The following UNC13C variants were observed in gnomAD, a reference collection of about 807,000 sequenced individuals.
UNC13C encodes the protein protein unc-13 homolog C.
A neutral mutation model predicts 245.4 loss-of-function variants in UNC13C; 174 were observed. That is an observed-to-expected ratio of 0.71 (90% CI 0.63 to 0.80). UNC13C has a LOEUF of 0.80. Ranked by LOEUF, UNC13C falls within the 30% of genes least tolerant of loss-of-function variation. The pLI, the probability that UNC13C is intolerant of heterozygous loss-of-function variation, is 0.00. For synonymous variants in UNC13C, 992 were observed against 895.1 expected (o/e 1.11, Z -1.93); for missense variants, 2,829 against 2,602.9 (o/e 1.09, Z -1.89).
At chr15:54,440,074 T>G (rs571831595) in intron 19 of UNC13C, among the ~76,000 whole-genome samples, 1 of 152,028 alleles carries the variant, frequency 6.6e-6, no homozygotes, top group South Asian at 2.1e-4. Flanking sequence ...TATTGGGTCA[T>G]GGGGGGTGGG....
intron 4 of UNC13C, among the ~76,000 whole-genome samples, chr15:54,192,605 AT>A (rs1289737187): frequency 6.6e-6 from 1 of 152,042 alleles, no homozygotes; most frequent in Non-Finnish European, 1.5e-5. Flanking sequence ...TTCTTCCTTG[AT>A]TTATTTTACT....
At chr15:54,062,443 C>G (rs1401028791) in intron 2 of UNC13C, among the ~76,000 whole-genome samples, 10 of 152,082 alleles carry the variant, frequency 6.6e-5, no homozygotes, top group Non-Finnish European at 1.2e-4. Flanking sequence ...TCTTCTTATC[C>G]TAGCCCTAAA....
chr15:54,134,601 G>T (rs1023991172), intron 2 of UNC13C, among the ~76,000 whole-genome samples: 1 of 152,056 alleles, frequency 6.6e-6, no homozygotes, highest in Non-Finnish European at 1.5e-5. Flanking sequence ...CTCACTGCAA[G>T]CTCCGCCCCC....
intron 13 of UNC13C, among the ~76,000 whole-genome samples, chr15:54,319,122 C>G (rs527337790): frequency 2.0e-5 from 3 of 151,784 alleles, no homozygotes; most frequent in Non-Finnish European, 4.4e-5. Context: ...GTAATAACCC[C>G]CTTGTTTTTG....
chr15:54,129,714 G>A (rs2031286733), intron 2 of UNC13C, among the ~76,000 whole-genome samples: 2 of 151,262 alleles, frequency 1.3e-5, no homozygotes, highest in East Asian at 3.9e-4. Flanking sequence ...CATTCTCTCA[G>A]AACTTTTCAA....
chr15:53,901,674 T>C, the UNC13C span, among the ~76,000 whole-genome samples: 1 of 152,228 alleles, frequency 6.6e-6, no homozygotes, highest in Non-Finnish European at 1.5e-5. Context: ...TTGTAAATTG[T>C]TTTATGAGAA....
the UNC13C span, among the ~76,000 whole-genome samples, chr15:53,941,827 A>G: frequency 6.6e-6 from 1 of 152,230 alleles, no homozygotes; most frequent in East Asian, 1.9e-4. Context: ...TCTGATCATT[A>G]AAGAAATGCA....
At chr15:54,276,621 A>C (rs2036839852) in intron 10 of UNC13C, among the ~76,000 whole-genome samples, 1 of 152,086 alleles carries the variant, frequency 6.6e-6, no homozygotes, top group Non-Finnish European at 1.5e-5. Context: ...TATAGCCAGA[A>C]CCCCAAGTTC....
At chr15:53,909,830 G>C in the UNC13C span, among the ~76,000 whole-genome samples, 1 of 146,190 alleles carries the variant, frequency 6.8e-6, no homozygotes, top group Non-Finnish European at 1.5e-5. Flanking sequence ...TATTGCACCT[G>C]TCAGTCAAGT....
At chr15:54,217,517 T>G (rs2140770040) in intron 4 of UNC13C, among the ~76,000 whole-genome samples, 1 of 152,078 alleles carries the variant, frequency 6.6e-6, no homozygotes, top group East Asian at 1.9e-4. Flanking sequence ...GCTCTTTCAT[T>G]AATCTGTTCC....
chr15:54,476,932 A>G (rs1250167797), intron 19 of UNC13C, among the ~76,000 whole-genome samples: 2 of 149,020 alleles, frequency 1.3e-5, no homozygotes, highest in African/African-American at 2.5e-5. Context: ...GATTCTTCCT[A>G]CCCATGAGCA....
intron 17 of UNC13C, among the ~76,000 whole-genome samples, chr15:54,359,534 T>G (rs1163231289): frequency 1.3e-5 from 2 of 151,998 alleles, no homozygotes; most frequent in African/African-American, 4.8e-5. Context: ...ATTAGTCTGT[T>G]CAGGTTCTCT....
At chr15:54,390,378 A>G (rs1375043260) in intron 17 of UNC13C, among the ~76,000 whole-genome samples, 4 of 152,144 alleles carry the variant, frequency 2.6e-5, no homozygotes, top group African/African-American at 7.2e-5. Flanking sequence ...CTTTGTAAAC[A>G]TGACCATTGG....
chr15:54,059,379 A>G lies in UNC13C; in HGVS notation c.2983+43493A>G, dbSNP rs560837973. ...CCCATTCACAATTGCTTCAAAGAGA[A>G]TAAAATACCTAGGAATCCAACTTGC... On this transcript the variant is annotated intron_variant, in intron 2 of 32. Coordinates refer to ENST00000260323, the MANE Select transcript of UNC13C (RefSeq NM_001080534.3). Among the ~76,000 whole-genome samples the G allele has an allele frequency of 1.5e-3, 232 of 152,294 alleles. 1 individual carries two copies. Among genetic ancestry groups the G allele is most frequent in the African/African-American group, 5.4e-3 (224 of 41,554 alleles).
At chr15:53,907,000 C>T in the UNC13C span, among the ~76,000 whole-genome samples, 5 of 152,212 alleles carry the variant, frequency 3.3e-5, no homozygotes, top group East Asian at 1.9e-4. Flanking sequence ...TCTCTCGACA[C>T]GTGGGGAGTA....
chr15:54,422,723 C>T (rs117263026), intron 19 of UNC13C, among the ~76,000 whole-genome samples: 3,018 of 151,884 alleles, frequency 0.02, 51 homozygotes, highest in South Asian at 0.056. Context: ...TTCATGGTCA[C>T]CTTCGTTCAC....
chr15:54,590,935 T>C (rs1596629638), intron 30 of UNC13C, among the ~76,000 whole-genome samples: 1 of 152,188 alleles, frequency 6.6e-6, no homozygotes, highest in African/African-American at 2.4e-5. Context: ...GGGTTTGTCA[T>C]AGATGGCTTT....
chr15:54,565,922 G>T (rs1314245124), intron 29 of UNC13C, among the ~76,000 whole-genome samples: 1 of 151,818 alleles, frequency 6.6e-6, no homozygotes, highest in Non-Finnish European at 1.5e-5. Context: ...ATCAGTTTTG[G>T]TTTTCCTTCC....
chr15:53,995,433 C>T (rs1434871473), intron 1 of UNC13C, among the ~76,000 whole-genome samples: 3 of 152,034 alleles, frequency 2.0e-5, no homozygotes, highest in Non-Finnish European at 4.4e-5. Flanking sequence ...TCTTATTTCC[C>T]CTCTTGTTCC....
Sources: gnomAD v4.1 joint callset for allele counts (sites outside exome capture counted in the v4.1 genomes callset) on GRCh38, gnomAD v4.1.1 for gene constraint, MANE v1.5 for transcripts, NCBI Gene and HGNC (gene_info 2026-07-23, HGNC 2026-07-21) for gene names.